The following ABCA10 variants were observed in gnomAD, a reference collection of about 807,000 sequenced individuals.
The protein encoded by ABCA10 is ATP binding cassette subfamily A member 10.
Under a neutral mutation model 187.5 loss-of-function variants are expected in ABCA10, and 169 were observed. The ratio of observed to expected loss-of-function variants is 0.90; its 90% CI spans 0.80 to 1.02. The LOEUF is 1.02. ABCA10 is among the 50% of genes least tolerant of loss of function. The pLI, the probability that ABCA10 is intolerant of heterozygous loss-of-function variation, is 0.00. For synonymous variants in ABCA10, 574 were observed against 601.8 expected (o/e 0.95, Z 0.68); for missense variants, 1,727 against 1,812.4 (o/e 0.95, Z 0.86).
chr17:69,149,119 T>C, intron 37 of ABCA10, 31 bp from the exon 38 acceptor site: 1 of 1,612,014 alleles, frequency 6.2e-7, no homozygotes, highest in South Asian at 1.1e-5. Flanking sequence ...ATTAGTGGCT[T>C]ATATATTTTT....
intron 14 of ABCA10, 83 bp from the exon 15 acceptor site, chr17:69,193,331 C>A: frequency 6.4e-7 from 1 of 1,557,878 alleles, no homozygotes; most frequent in Non-Finnish European, 8.7e-7. Flanking sequence ...AGTATGATTT[C>A]TAGACTCAAA....
chr17:69,211,302 CATCATATAT>C (rs1568070118), intron 9 of ABCA10, among the ~76,000 whole-genome samples: 1 of 33,888 alleles, frequency 3.0e-5, no homozygotes, highest in African/African-American at 1.4e-4. Context: ...CATATATATA[CATCATATAT>C]ATGATATATA....
Position 69,184,051 on chromosome 17 carries a change from G to A in ABCA10, c.2498-1243C>T, listed in dbSNP as rs561216755. 9.2e-5 allele frequency among the ~76,000 whole-genome samples: 14 copies of A among 152,180 alleles called. No individual in the cohort carries two copies. In the East Asian group the frequency reaches 1.9e-3, roughly 21 times the overall value. ...TGTAGGGGCATTGAGACCACTTTGC[G>A]GGCTGTGTGGGAACTGAATGAGGCC... On this transcript the variant is annotated intron_variant, in intron 20 of 38. Transcript: ENST00000690296.
At chr17:69,201,870 C>T (rs746521713) in intron 9 of ABCA10, among the ~76,000 whole-genome samples, 8 of 152,098 alleles carry the variant, frequency 5.3e-5, no homozygotes, top group Non-Finnish European at 7.4e-5. Context: ...CCGCAACCTC[C>T]GCCTCCCAGG....
chr17:69,176,396 TTA>T (rs2144781979), intron 22 of ABCA10, among the ~76,000 whole-genome samples: 1 of 152,056 alleles, frequency 6.6e-6, no homozygotes, highest in East Asian at 1.9e-4. Context: ...ACACTGTAAT[TTA>T]TTATTATTAT....
chr17:69,192,364 T>C (rs1380227570), intron 16 of ABCA10, among the ~76,000 whole-genome samples, 199 bp downstream of exon 16: 1 of 152,146 alleles, frequency 6.6e-6, no homozygotes, highest in Non-Finnish European at 1.5e-5. Context: ...AAGTATACTT[T>C]GTTTTTTAAT....
chr17:69,242,497 C>T (rs1488620325), intron 1 of ABCA10, among the ~76,000 whole-genome samples: 1 of 152,190 alleles, frequency 6.6e-6, no homozygotes, highest in Non-Finnish European at 1.5e-5. Flanking sequence ...CAGAGTCTCG[C>T]TCTGCCGCCC....
intron 5 of ABCA10, among the ~76,000 whole-genome samples, 171 bp from the exon 6 acceptor site, chr17:69,219,942 A>T (rs1019194280): frequency 2.6e-5 from 4 of 152,254 alleles, no homozygotes; most frequent in Non-Finnish European, 5.9e-5. Flanking sequence ...GACATTAATT[A>T]TAAGAGTCAT....
At chr17:69,152,336 C>T (rs1275231833) in intron 35 of ABCA10, 26 bp downstream of exon 35, 1 of 1,605,254 alleles carries the variant, frequency 6.2e-7, no homozygotes, top group Non-Finnish European at 8.5e-7. Flanking sequence ...CATGCTAGTC[C>T]CATGCTGGTC....
intron 6 of ABCA10, 23 bp downstream of exon 6, chr17:69,219,522 A>C: frequency 6.7e-7 from 1 of 1,496,982 alleles, no homozygotes; most frequent in Non-Finnish European, 9.0e-7. Context: ...TATGATATAC[A>C]GTAAAGTAGC....
chr17:69,187,184 A>C lies in ABCA10; in HGVS notation c.2330+497T>G, dbSNP rs180743390. ...AAACTGGCTGAAATCAGCTGAAACC[A>C]ATATGGCCAATTACAGTCGGTCCAG... On this transcript the variant is annotated intron_variant, in intron 19 of 38. Transcript: ENST00000690296. 1.6e-3 allele frequency among the ~76,000 whole-genome samples: 250 copies of C among 152,274 alleles called. 1 individual carries two copies. The highest frequency in any genetic ancestry group is 5.8e-3 in the African/African-American group (243 of 41,558).
chr17:69,155,848 C>G lies in ABCA10; in HGVS notation c.3533G>C (p.Arg1178Thr). 1 of 1,613,806 alleles carries G rather than the reference C, an allele frequency of 6.2e-7. No homozygotes were observed. The highest frequency in any genetic ancestry group is 8.5e-7 in the Non-Finnish European group (1 of 1,179,794). Residue 1178 changes from arginine (R) to threonine (T), a missense_variant, in exon 29 of 39, where the codon AGA becomes ACA. Coordinates refer to ENST00000690296, the MANE Select transcript of ABCA10 (RefSeq NM_001377321.1). ...EEEDEDVQAE[R>T]VQAANALTAP... ...AGTGAGTGCATTTGCTGCTTGGACT[C>G]TTTCAGCTTGAACATCTTCATCTTC...
intron 5 of ABCA10, 129 bp downstream of exon 5, chr17:69,221,663 G>T: frequency 1.2e-6 from 1 of 819,442 alleles, no homozygotes; most frequent in South Asian, 2.2e-5. Flanking sequence ...GACAGCTTTT[G>T]TTTTCTCTGA....
At chr17:69,220,941 T>C (rs1321667433) in intron 5 of ABCA10, among the ~76,000 whole-genome samples, 1 of 152,200 alleles carries the variant, frequency 6.6e-6, no homozygotes, top group Non-Finnish European at 1.5e-5. Flanking sequence ...TGTGTGGTCC[T>C]TTACAGAAAA....
upstream of ABCA10, among the ~76,000 whole-genome samples, chr17:69,231,965 T>A (rs570279425): frequency 6.6e-6 from 1 of 152,152 alleles, no homozygotes; most frequent in Non-Finnish European, 1.5e-5. Flanking sequence ...AATTATTATA[T>A]CCTGTTGCTG....
At chr17:69,170,454 A>C (rs1435155154) in intron 25 of ABCA10, among the ~76,000 whole-genome samples, 1 of 151,674 alleles carries the variant, frequency 6.6e-6, no homozygotes, top group Non-Finnish European at 1.5e-5. Flanking sequence ...AAAAAAAAAA[A>C]AAAGAAGTCT....
intron 27 of ABCA10, among the ~76,000 whole-genome samples, chr17:69,157,296 C>T (rs542163704): frequency 2.7e-4 from 41 of 152,222 alleles, no homozygotes; most frequent in South Asian, 8.3e-4. Context: ...CTCAAACTTC[C>T]GTTTTCATGC....
chr17:69,192,929 T>C (rs909270551), intron 15 of ABCA10, among the ~76,000 whole-genome samples, 181 bp downstream of exon 15: 12 of 152,230 alleles, frequency 7.9e-5, no homozygotes, highest in Non-Finnish European at 1.0e-4. Context: ...TACTTTGCCA[T>C]GTAACTTTGC....
At chr17:69,185,778 T>C (rs1045358149) in intron 19 of ABCA10, 135 bp from the exon 20 acceptor site, 4 of 598,124 alleles carry the variant, frequency 6.7e-6, no homozygotes, top group Non-Finnish European at 2.8e-6. Flanking sequence ...AAATGAAACA[T>C]ACAGTGACAG....
Sources: gnomAD v4.1 joint callset for allele counts (sites outside exome capture counted in the v4.1 genomes callset) on GRCh38, gnomAD v4.1.1 for gene constraint, MANE v1.5 for transcripts, NCBI Gene and HGNC (gene_info 2026-07-23, HGNC 2026-07-21) for gene names.